The following TAF1 variants were observed in gnomAD, a reference collection of about 807,000 sequenced individuals.
TAF1 encodes the protein transcription initiation factor TFIID subunit 1.
In TAF1, 2 loss-of-function variants were observed where a neutral mutation model predicts 138.5. The ratio of observed to expected loss-of-function variants is 0.01; its 90% CI spans 0.01 to 0.05. The LOEUF is 0.05. Among genes scored for constraint, TAF1 ranks in the 10% least tolerant of loss-of-function variants. TAF1 has a pLI of 1.00. For missense variants in TAF1, 709 were observed against 1,478.0 expected, an observed-to-expected ratio of 0.48 and a Z score of 8.53; for synonymous variants, 437 against 503.2, an observed-to-expected ratio of 0.87 and a Z score of 1.76.
intron 3 of TAF1, among the ~76,000 whole-genome samples, chrX:71,370,812 T>A (rs957756802): frequency 1.8e-5 from 2 of 112,237 alleles, no homozygotes; most frequent in African/African-American, 3.2e-5. Context: ...ATGAAAAGAA[T>A]TAACTGTGTT....
intron 13 of TAF1, among the ~76,000 whole-genome samples, chrX:71,478,646 C>G (rs192695634): frequency 1.8e-5 from 2 of 111,503 alleles, no homozygotes; most frequent in Non-Finnish European, 3.8e-5. Flanking sequence ...CTTGAGTCCA[C>G]GAGTTTGAGA....
chrX:71,466,148 G>A (rs1036481554), downstream of TAF1: 2 of 111,884 alleles, frequency 1.8e-5, no homozygotes, highest in Non-Finnish European at 3.8e-5. Flanking sequence ...TTTGTGGGTA[G>A]AGAAGGAGGA....
chrX:71,407,920 A>G lies in TAF1; in HGVS notation c.4207-54A>G, dbSNP rs930881751. The stretch of plus-strand genomic sequence containing the variant: ...AGGTAAGATGTGAAAGTCTTCAGGA[A>G]TTGGCTCTGGCAACTGTTATTTGCT... On this transcript the variant is annotated intron_variant, in intron 27 of 37. Transcript: ENST00000423759. 38 of 1,169,600 alleles carry G rather than the reference A, an allele frequency of 3.2e-5. No homozygotes were observed. The Admixed American group carries it at 5.3e-4, about 16-fold the overall frequency.
intron 32 of TAF1, among the ~76,000 whole-genome samples, chrX:71,426,523 C>T (rs1178179134): frequency 2.6e-4 from 29 of 111,218 alleles, no homozygotes; most frequent in Non-Finnish European, 3.8e-5. Flanking sequence ...TGAGACCAGG[C>T]TGACCAACAT....
chrX:71,492,478 G>A, intron 13 of TAF1: 2 of 126,936 alleles, frequency 1.6e-5, no homozygotes. Context: ...CTGCGCGTCC[G>A]CCTCGCCCCT....
chrX:71,393,920 G>A, intron 21 of TAF1, 147 bp from the exon 22 acceptor site: 1 of 598,263 alleles, frequency 1.7e-6, no homozygotes, highest in Non-Finnish European at 2.5e-6. Flanking sequence ...AAATGTCTAG[G>A]AAAACTTTGT....
In TAF1 at chrX:71,459,664, A is replaced by C; in HGVS notation, c.5177A>C (p.Glu1726Ala). The C allele has an allele frequency of 8.3e-7, 1 of 1,211,565 alleles. No homozygotes were observed. Among genetic ancestry groups the C allele is most frequent in the South Asian group, 1.8e-5 (1 of 56,971 alleles). ...CTTATGTCTGAAGGAGAAGATGATG[A>C]GGAAGATGCTGGGAGTGATGAAGAA... ...DLLMSEGEDD[E>A]EDAGSDEEGD... The change falls in exon 36 of 38, where the codon GAG becomes GCG. Residue 1726 changes from glutamate (E) to alanine (A), a missense_variant. By Grantham distance (107) the Glu-to-Ala change is moderately radical (BLOSUM62 -1). Around this residue, in one of 14 missense-constraint regions of TAF1, gnomAD observed 123 missense variants for 174.7 expected, o/e 0.70. Transcript: ENST00000423759.
rs752092271 is a variant in TAF1, at chrX:71,382,002, T to C, written c.1537+83T>C. The C allele has an allele frequency of 4.8e-6, 5 of 1,031,323 alleles. No homozygotes were observed. The Admixed American group carries it at 1.9e-4, about 39-fold the overall frequency. 85.0% of individuals were successfully genotyped at this position (1,031,323 alleles called of 1,213,427 possible). A position where few individuals can be genotyped will look rare whatever the true frequency, so the allele number is the denominator to read the frequency against. On this transcript the variant is annotated intron_variant, in intron 9 of 37. Transcript: ENST00000423759. The stretch of plus-strand genomic sequence containing the variant: ...AACGGGCAGGAGGAAATCAGAAGGG[T>C]TGGAGATGATTAGGACTAGAAACCT...
chrX:71,482,501 G>A (rs2039088891), intron 13 of TAF1, among the ~76,000 whole-genome samples: 1 of 112,512 alleles, frequency 8.9e-6, no homozygotes, highest in South Asian at 3.6e-4. Flanking sequence ...GTGAGTCACA[G>A]GGATTTTTTT....
intron 13 of TAF1, chrX:71,492,636 C>G (rs2039313422): frequency 8.1e-6 from 1 of 123,365 alleles, no homozygotes; most frequent in Non-Finnish European, 1.7e-5. Flanking sequence ...TTCTGATCGC[C>G]CGGCTCCTAG....
Position 71,463,907 on chromosome X carries a change from A to C in TAF1, c.5483A>C (p.Glu1828Ala). 1.7e-6 allele frequency: 2 copies of C among 1,209,706 alleles called. No individual in the cohort carries two copies. The highest frequency in any genetic ancestry group is 2.2e-6 in the Non-Finnish European group (2 of 894,391). Residue 1828 changes from glutamate to alanine, a missense_variant, in exon 38 of 38, where the codon GAG becomes GCG. Glu to Ala is a moderately radical substitution (Grantham distance 107, BLOSUM62 -1). Coordinates refer to ENST00000423759, the MANE Select transcript of TAF1 (RefSeq NM_004606.5). ...AGCATCGGTGGGTATGAGGTATCAGAGGAGGAAGAAGATGAGGAGGAGGAA... is the reference window on the plus strand; with the variant it reads ...AGCATCGGTGGGTATGAGGTATCAGCGGAGGAAGAAGATGAGGAGGAGGAA... The part of the protein sequence containing the change: ...FSSIGGYEVS[E>A]EEEDEEEEEQ...
intron 35 of TAF1, chrX:71,459,112 C>T: frequency 2.0e-6 from 2 of 998,601 alleles, no homozygotes; most frequent in South Asian, 1.9e-5. Context: ...CCTACAGGCA[C>T]GTCCCTCAAT....
At chrX:71,413,557 T>G (rs2035902730) in intron 28 of TAF1, among the ~76,000 whole-genome samples, 1 of 111,912 alleles carries the variant, frequency 8.9e-6, no homozygotes, top group Admixed American at 9.6e-5. Context: ...AGAAATACTT[T>G]CTCGAATCAT....
chrX:71,435,704 CA>C (rs2037104377), intron 32 of TAF1, among the ~76,000 whole-genome samples: 1 of 111,411 alleles, frequency 9.0e-6, no homozygotes, highest in Non-Finnish European at 1.9e-5. Flanking sequence ...TTTATTCTAT[CA>C]TGCCCAGAAA....
At chrX:71,530,136 T>G (rs1170351911) in exon 15 of TAF1, 2 of 146,345 alleles carry the variant, frequency 1.4e-5, no homozygotes, top group African/African-American at 6.3e-5. Flanking sequence ...ATTCACTAGT[T>G]AGTGATGGTT....
At chrX:71,369,467 T>C (rs184782958) in intron 3 of TAF1, among the ~76,000 whole-genome samples, 39 of 112,227 alleles carry the variant, frequency 3.5e-4, no homozygotes, top group African/African-American at 1.2e-3. Context: ...ACTTGAACTT[T>C]AGAGAACTTT....
At chrX:71,440,834 C>T (rs1315226897) in intron 32 of TAF1, among the ~76,000 whole-genome samples, 2 of 111,157 alleles carry the variant, frequency 1.8e-5, no homozygotes, top group African/African-American at 6.5e-5. Context: ...AAATTATTTC[C>T]TCAAATACAT....
intron 3 of TAF1, among the ~76,000 whole-genome samples, chrX:71,373,469 A>G (rs757067747): frequency 6.3e-5 from 7 of 111,399 alleles, no homozygotes; most frequent in Non-Finnish European, 1.3e-4. Context: ...CACTGGCCCT[A>G]TACTTACTAT....
In TAF1 at chrX:71,451,309, G is replaced by T. The variant is rs139748005; in HGVS notation, c.4754-2861G>T. On this transcript the variant is annotated intron_variant, in intron 32 of 37. Transcript: ENST00000423759. Reference sequence around the variant, plus strand: ...ATGTCTTAAGGAGACACATCAGCCAGATACAATGTATGGACCTTTCTTGGG... The same window carrying T: ...ATGTCTTAAGGAGACACATCAGCCATATACAATGTATGGACCTTTCTTGGG... 5.4e-3 allele frequency among the ~76,000 whole-genome samples: 602 copies of T among 111,513 alleles called. 7 individuals are homozygous for T. Among genetic ancestry groups the T allele is most frequent in the African/African-American group, 0.018 (560 of 30,751 alleles).
Sources: gnomAD v4.1 joint callset for allele counts (sites outside exome capture counted in the v4.1 genomes callset) on GRCh38, gnomAD v4.1.1 for gene constraint, gnomAD v4.1.1 regional missense constraint, MANE v1.5 for transcripts, NCBI Gene and HGNC (gene_info 2026-07-23, HGNC 2026-07-21) for gene names.